PRORP: variants seen among roughly 807,000 people sequenced by gnomAD.
PRORP encodes mitochondrial ribonuclease P catalytic subunit.
Under a neutral mutation model 59.4 loss-of-function variants are expected in PRORP, and 51 were observed. The ratio of observed to expected loss-of-function variants is 0.86; its 90% CI spans 0.69 to 1.08. PRORP has a LOEUF of 1.08. PRORP is among the 50% of genes least tolerant of loss of function. PRORP has a pLI of 0.00. For synonymous variants in PRORP, 231 were observed against 245.6 expected, an observed-to-expected ratio of 0.94 and a Z score of 0.55; for missense variants, 646 against 690.3, an observed-to-expected ratio of 0.94 and a Z score of 0.72.
chr14:35,196,912 G>A (rs1210325824), intron 5 of PRORP, among the ~76,000 whole-genome samples: 1 of 152,198 alleles, frequency 6.6e-6, no homozygotes, highest in Non-Finnish European at 1.5e-5. Flanking sequence ...TTTTAGTGAA[G>A]TGATCAAGGG....
chr14:35,232,375 TA>T (rs879569022), intron 5 of PRORP, among the ~76,000 whole-genome samples: 72 of 147,416 alleles, frequency 4.9e-4, no homozygotes, highest in Admixed American at 4.7e-4. Flanking sequence ...CTAGCTAATG[TA>T]AAAAAAAAAA....
Position 35,124,069 on chromosome 14 carries a change from T to C in PRORP, c.824T>C (p.Ile275Thr), listed in dbSNP as rs982354198. 2 of 1,613,976 alleles carry C rather than the reference T, an allele frequency of 1.2e-6. No homozygotes were observed. Among genetic ancestry groups the C allele is most frequent in the Non-Finnish European group, 1.7e-6 (2 of 1,179,942 alleles). Reference sequence around the variant, plus strand: ...TATCAGGAATTGCTAGGTCATGATATTGTTCCTATGTTGGAAACTTTAAAA... The same window carrying C: ...TATCAGGAATTGCTAGGTCATGATACTGTTCCTATGTTGGAAACTTTAAAA... ...NLYQELLGHD[I>T]VPMLETLKAF... Residue 275 changes from isoleucine to threonine, a missense_variant, in exon 2 of 8, where the codon ATT (isoleucine) becomes ACT (threonine). Ile to Thr is a moderately conservative substitution (Grantham distance 89). Transcript: ENST00000534898.
intron 4 of PRORP, among the ~76,000 whole-genome samples, chr14:35,153,074 A>C (rs1204324129): frequency 2.0e-5 from 3 of 152,222 alleles, no homozygotes; most frequent in Admixed American, 1.3e-4. Context: ...AGCCGAGATC[A>C]CGCCACTGCA....
At chr14:35,268,540 C>T (rs1033277827) in intron 6 of PRORP, among the ~76,000 whole-genome samples, 1 of 152,026 alleles carries the variant, frequency 6.6e-6, no homozygotes, top group African/African-American at 2.4e-5. Context: ...TGCCTCAGCC[C>T]CAAATCTAGG....
chr14:35,240,066 C>A (rs760547994), intron 5 of PRORP, among the ~76,000 whole-genome samples: 1 of 136,924 alleles, frequency 7.3e-6, no homozygotes, highest in Non-Finnish European at 1.6e-5. Context: ...CAGAGTAAGA[C>A]TCCATCTCAA....
In PRORP at chr14:35,270,505, A is replaced by C; in HGVS notation, c.1529A>C (p.Asp510Ala). Residue 510 changes from aspartate to alanine, a missense_variant, in exon 7 of 8, where the codon GAT (aspartate) becomes GCT (alanine). Coordinates refer to ENST00000534898, the MANE Select transcript of PRORP (RefSeq NM_014672.4). ...CGGGACCACAAGGCCTGTCTGCCTG[A>C]TGCCAAGACCCAACGCCTGTTTTTT... The part of the protein sequence containing the change: ...LMRDHKACLP[D>A]AKTQRLFFKW... 6.2e-7 allele frequency: 1 copy of C among 1,614,208 alleles called. No individual in the cohort carries two copies. The highest frequency in any genetic ancestry group is 8.5e-7 in the Non-Finnish European group (1 of 1,180,040).
intron 5 of PRORP, among the ~76,000 whole-genome samples, chr14:35,245,827 C>T (rs2050469077): frequency 6.6e-6 from 1 of 152,184 alleles, no homozygotes; most frequent in African/African-American, 2.4e-5. Flanking sequence ...TGTATTGGAA[C>T]TCCAATTTCC....
Position 35,124,067 on chromosome 14 carries a change from T to C in PRORP, c.822T>C (p.Asp274=). ...TATATCAGGAATTGCTAGGTCATGA[T>C]ATTGTTCCTATGTTGGAAACTTTAA... The part of the protein sequence containing the change: ...WNLYQELLGH[D]IVPMLETLKA... Residue 274 remains aspartate, a synonymous_variant, in exon 2 of 8, where the codon GAT becomes GAC. Coordinates refer to ENST00000534898, the MANE Select transcript of PRORP (RefSeq NM_014672.4). The C allele has an allele frequency of 6.2e-7, 1 of 1,613,998 alleles. No individual in the cohort carries two copies. Among genetic ancestry groups the C allele is most frequent in the South Asian group, 1.1e-5 (1 of 91,058 alleles).
chr14:35,214,386 G>A (rs1047112084), intron 5 of PRORP, among the ~76,000 whole-genome samples: 3 of 152,100 alleles, frequency 2.0e-5, no homozygotes, highest in Non-Finnish European at 4.4e-5. Flanking sequence ...AATATTGAGT[G>A]TATTCTCATA....
intron 5 of PRORP, among the ~76,000 whole-genome samples, chr14:35,238,468 A>G (rs189673259): frequency 8.5e-5 from 13 of 152,322 alleles, no homozygotes; most frequent in South Asian, 8.3e-4. Context: ...TAACCTGGCA[A>G]TGTCACAGGA....
At chr14:35,272,700 T>C (rs185204779) in intron 7 of PRORP, among the ~76,000 whole-genome samples, 77 of 152,288 alleles carry the variant, frequency 5.1e-4, no homozygotes, top group African/African-American at 1.7e-3. Flanking sequence ...AGAGATGAAT[T>C]GATAATGGCT....
At chr14:35,231,545 T>C (rs2050082106) in intron 5 of PRORP, among the ~76,000 whole-genome samples, 1 of 152,200 alleles carries the variant, frequency 6.6e-6, no homozygotes, top group Non-Finnish European at 1.5e-5. Context: ...AGAAAACAGA[T>C]TGTGAACAGA....
intron 5 of PRORP, among the ~76,000 whole-genome samples, chr14:35,203,830 A>G (rs1254347600): frequency 6.6e-6 from 1 of 152,164 alleles, no homozygotes; most frequent in Admixed American, 6.5e-5. Flanking sequence ...ACGCCACTGC[A>G]CTCCAGCCTG....
intron 5 of PRORP, chr14:35,235,439 A>T: frequency 1.5e-6 from 1 of 666,568 alleles, no homozygotes; most frequent in Non-Finnish European, 2.8e-6. Context: ...GCAGTAAGGG[A>T]CCCCCATTTT....
intron 5 of PRORP, among the ~76,000 whole-genome samples, chr14:35,232,898 C>T (rs1199160169): frequency 2.0e-5 from 3 of 152,014 alleles, no homozygotes; most frequent in African/African-American, 7.2e-5. Context: ...TGGTCTTGGT[C>T]TCCTGACCTC....
chr14:35,154,648 C>A (rs1482927761), intron 4 of PRORP, among the ~76,000 whole-genome samples: 2 of 151,162 alleles, frequency 1.3e-5, no homozygotes, highest in African/African-American at 4.9e-5. Context: ...TTACCAAATA[C>A]CATCTGTGGG....
intron 5 of PRORP, among the ~76,000 whole-genome samples, chr14:35,244,014 T>C (rs1369762641): frequency 6.6e-6 from 1 of 152,174 alleles, no homozygotes; most frequent in African/African-American, 2.4e-5. Flanking sequence ...AGACCATCCA[T>C]GTTTCTGCCT....
intron 5 of PRORP, among the ~76,000 whole-genome samples, chr14:35,215,575 G>A (rs565210897): frequency 6.6e-6 from 1 of 152,182 alleles, no homozygotes; most frequent in South Asian, 2.1e-4. Context: ...GCAACAAAGT[G>A]ACCGTGACTC....
At chr14:35,204,036 T>G (rs975714640) in intron 5 of PRORP, among the ~76,000 whole-genome samples, 3 of 152,236 alleles carry the variant, frequency 2.0e-5, no homozygotes, top group African/African-American at 7.2e-5. Context: ...ATCTTGAGCT[T>G]TGTATTTCAC....
Sources: allele counts gnomAD v4.1 joint callset (sites outside exome capture counted in the v4.1 genomes callset), GRCh38; gene constraint gnomAD v4.1.1; transcripts MANE v1.5; gene names NCBI Gene and HGNC (gene_info 2026-07-23, HGNC 2026-07-21).